Variants in SGCZ observed in about 807,000 individuals in gnomAD.
SGCZ encodes the protein zeta-sarcoglycan.
SGCZ carries 40 observed loss-of-function variants against 41.3 expected under a neutral mutation model. The ratio of observed to expected loss-of-function variants is 0.97; its 90% CI spans 0.75 to 1.26. SGCZ has a LOEUF of 1.26. Among genes scored for constraint, SGCZ ranks in the 50% most tolerant of loss-of-function variants. SGCZ has a pLI of 0.00. For missense variants in SGCZ, 552 were observed against 369.8 expected (o/e 1.49, Z -4.04); for synonymous variants, 206 against 137.5 (o/e 1.50, Z -3.49).
chr8:14,919,737 G>A (rs1391119744), intron 1 of SGCZ, among the ~76,000 whole-genome samples: 1 of 152,174 alleles, frequency 6.6e-6, no homozygotes, highest in African/African-American at 2.4e-5. Context: ...GGCCAACATG[G>A]TGAAACCCCA....
chr8:14,239,314 T>C (rs1216933244), intron 3 of SGCZ, among the ~76,000 whole-genome samples: 1 of 151,922 alleles, frequency 6.6e-6, no homozygotes, highest in African/African-American at 2.4e-5. Context: ...CAAAATTCAA[T>C]GTAAGTATGT....
At chr8:14,780,068 G>C (rs1800538095) in intron 1 of SGCZ, among the ~76,000 whole-genome samples, 2 of 151,974 alleles carry the variant, frequency 1.3e-5, no homozygotes, top group African/African-American at 4.8e-5. Context: ...TACTGAAGAA[G>C]AGAAAATGAA....
Position 14,292,596 on chromosome 8 carries a change from A to G in SGCZ, c.336+31507T>C, listed in dbSNP as rs141919632. 1.1e-3 allele frequency among the ~76,000 whole-genome samples: 171 copies of G among 152,174 alleles called. 1 individual carries two copies. Among genetic ancestry groups the G allele is most frequent in the African/African-American group, 3.9e-3 (162 of 41,564 alleles). On this transcript the variant is annotated intron_variant, in intron 3 of 7. Transcript: ENST00000382080. ...TTAGCTCCTAAAATATTCCATGTTTATATGCTCTACCTATGACAATATGGC... is the reference window on the plus strand; with the variant it reads ...TTAGCTCCTAAAATATTCCATGTTTGTATGCTCTACCTATGACAATATGGC...
At chr8:14,743,635 T>C (rs1024125890) in intron 1 of SGCZ, among the ~76,000 whole-genome samples, 1 of 151,980 alleles carries the variant, frequency 6.6e-6, no homozygotes, top group African/African-American at 2.4e-5. Flanking sequence ...AAATTGAAAA[T>C]ATTTTAGAAA....
intron 3 of SGCZ, among the ~76,000 whole-genome samples, chr8:14,303,594 T>C (rs1801260864): frequency 6.6e-6 from 1 of 152,090 alleles, no homozygotes; most frequent in Admixed American, 6.5e-5. Context: ...CTCCAAAATA[T>C]TACAACCGAA....
intron 1 of SGCZ, among the ~76,000 whole-genome samples, chr8:15,217,581 CT>C (rs1277956566): frequency 6.6e-6 from 1 of 152,082 alleles, no homozygotes; most frequent in Non-Finnish European, 1.5e-5. Flanking sequence ...CTTGCCCCCC[CT>C]TGTCCCAATT....
intron 2 of SGCZ, among the ~76,000 whole-genome samples, chr8:14,380,520 C>T (rs2117188691): frequency 6.6e-6 from 1 of 152,224 alleles, no homozygotes; most frequent in Non-Finnish European, 1.5e-5. Flanking sequence ...GCCTTTTACT[C>T]TCATCTAAGA....
At chr8:14,866,680 C>T (rs1803944260) in intron 1 of SGCZ, among the ~76,000 whole-genome samples, 1 of 151,982 alleles carries the variant, frequency 6.6e-6, no homozygotes, top group African/African-American at 2.4e-5. Flanking sequence ...CATGATGGTG[C>T]ATGCTTCTAG....
chr8:14,744,428 G>A lies in SGCZ; in HGVS notation c.40-189502C>T, dbSNP rs2130291958. Among the ~76,000 whole-genome samples the A allele has an allele frequency of 2.0e-5, 3 of 152,172 alleles. No homozygotes were observed. The South Asian group carries it at 6.2e-4, about 32-fold the overall frequency. On this transcript the variant is annotated intron_variant, in intron 1 of 7. Coordinates refer to ENST00000382080, the MANE Select transcript of SGCZ (RefSeq NM_139167.4). ...ATAACATCTTCTATCCATAGGGCTT[G>A]GTCTGCCTTGGTGGATGTCATTTGG...
chr8:14,095,932 G>T (rs920812247), intron 7 of SGCZ, among the ~76,000 whole-genome samples: 14 of 152,114 alleles, frequency 9.2e-5, no homozygotes, highest in Admixed American at 8.5e-4. Context: ...AATTATGCTT[G>T]TGATTTTTGC....
intron 4 of SGCZ, among the ~76,000 whole-genome samples, chr8:14,193,059 T>C (rs996686378): frequency 1.3e-5 from 2 of 151,890 alleles, no homozygotes; most frequent in Admixed American, 1.3e-4. Context: ...AAGATGTGTC[T>C]ATGAAAGACT....
chr8:14,641,577 A>T (rs1326461253), intron 1 of SGCZ, among the ~76,000 whole-genome samples: 2 of 151,812 alleles, frequency 1.3e-5, no homozygotes, highest in Non-Finnish European at 3.0e-5. Flanking sequence ...AGAGAAAAAC[A>T]ACATATTATA....
At chr8:14,306,489 C>T (rs917875005) in intron 3 of SGCZ, among the ~76,000 whole-genome samples, 30 of 152,182 alleles carry the variant, frequency 2.0e-4, no homozygotes, top group African/African-American at 7.2e-4. Flanking sequence ...TCCAGTTTAT[C>T]TCTTTGATAA....
intron 1 of SGCZ, among the ~76,000 whole-genome samples, chr8:14,772,933 G>A (rs1445861409): frequency 6.6e-6 from 1 of 151,990 alleles, no homozygotes; most frequent in African/African-American, 2.4e-5. Context: ...AGTCCTTTGG[G>A]TATATACCCA....
At position 14,631,530 on chromosome 8, in the gene SGCZ, C is replaced by G. The variant is rs548351668; in HGVS notation, c.40-76604G>C. On this transcript the variant is annotated intron_variant, in intron 1 of 7. Coordinates refer to ENST00000382080, the MANE Select transcript of SGCZ (RefSeq NM_139167.4). ...TAATTGGTTTGAAACATTTACTACA[C>G]CCATGAATTTGACCTGGCATAAATG... Among the ~76,000 whole-genome samples, 216 of 152,156 alleles carry G rather than the reference C, an allele frequency of 1.4e-3. 1 individual carries two copies. Among genetic ancestry groups the G allele is most frequent in the African/African-American group, 4.6e-3 (192 of 41,522 alleles).
chr8:14,421,226 C>T (rs1163872382), intron 2 of SGCZ, among the ~76,000 whole-genome samples: 2 of 151,998 alleles, frequency 1.3e-5, no homozygotes, highest in African/African-American at 4.8e-5. Flanking sequence ...GGCTATTGAT[C>T]TCATGTTTTC....
intron 1 of SGCZ, among the ~76,000 whole-genome samples, chr8:14,784,986 T>C (rs1298419426): frequency 7.0e-6 from 1 of 142,958 alleles, no homozygotes; most frequent in South Asian, 2.2e-4. Flanking sequence ...ATTTTTTATA[T>C]ATTATATATA....
chr8:15,006,619 T>G (rs996151378), intron 1 of SGCZ, among the ~76,000 whole-genome samples: 12 of 152,186 alleles, frequency 7.9e-5, no homozygotes, highest in African/African-American at 2.9e-4. Context: ...TTAATAAATT[T>G]ACATTAAAAA....
At chr8:14,378,960 T>G (rs1313498584) in intron 2 of SGCZ, among the ~76,000 whole-genome samples, 1 of 152,168 alleles carries the variant, frequency 6.6e-6, no homozygotes, top group Non-Finnish European at 1.5e-5. Context: ...AGTTAAAAAT[T>G]AAGAATTAAT....
Sources: allele counts gnomAD v4.1 joint callset (sites outside exome capture counted in the v4.1 genomes callset), GRCh38; gene constraint gnomAD v4.1.1; transcripts MANE v1.5; gene names NCBI Gene and HGNC (gene_info 2026-07-23, HGNC 2026-07-21).